The following KANSL1L variants were observed in gnomAD, a reference collection of about 807,000 sequenced individuals.
KANSL1L encodes KAT8 regulatory NSL complex subunit 1 like, also known as KAT8 regulatory NSL complex subunit 1-like protein.
KANSL1L carries 25 observed loss-of-function variants against 108.6 expected under a neutral mutation model. The observed-to-expected ratio is 0.23, with a 90% confidence interval of 0.17 to 0.32. KANSL1L has a LOEUF of 0.32. Among genes scored for constraint, KANSL1L ranks in the 10% least tolerant of loss-of-function variants. The pLI, the probability that KANSL1L is intolerant of heterozygous loss-of-function variation, is 1.00. For missense variants in KANSL1L, 1,137 were observed against 1,125.7 expected (o/e 1.01, Z -0.14); for synonymous variants, 405 against 395.1 (o/e 1.03, Z -0.30).
At chr2:210,159,612 AAGGCATTTC>A (rs2095350943) in intron 1 of KANSL1L, among the ~76,000 whole-genome samples, 1 of 152,236 alleles carries the variant, frequency 6.6e-6, no homozygotes, top group African/African-American at 2.4e-5. Flanking sequence ...ATGATATTTA[AAGGCATTTC>A]AGGATTTTGG....
At chr2:210,090,880 C>T (rs1299728880) in intron 5 of KANSL1L, among the ~76,000 whole-genome samples, 2 of 152,192 alleles carry the variant, frequency 1.3e-5, no homozygotes, top group East Asian at 3.8e-4. Context: ...AAACATTCTG[C>T]AACTTCCTAT....
rs190740218 is a variant in KANSL1L, at chr2:210,052,465, G to A, written c.1756-8361C>T. On this transcript the variant is annotated intron_variant, in intron 6 of 14. Transcript: ENST00000281772. ...CTTGCTGATGGCTTTTCCTTAATAT[G>A]TTTAATGACTCAGAAATACTGGAAA... Among the ~76,000 whole-genome samples the A allele has an allele frequency of 3.3e-5, 5 of 152,170 alleles. No homozygotes were observed. In the East Asian group the frequency reaches 7.7e-4, roughly 24 times the overall value.
intron 6 of KANSL1L, among the ~76,000 whole-genome samples, chr2:210,045,869 TTC>T (rs2094217722): frequency 6.6e-6 from 1 of 152,232 alleles, no homozygotes; most frequent in Non-Finnish European, 1.5e-5. Flanking sequence ...TTTTAATATT[TTC>T]TCTGTGTCTT....
At chr2:210,085,100 A>C (rs1171805196) in intron 5 of KANSL1L, among the ~76,000 whole-genome samples, 1 of 152,204 alleles carries the variant, frequency 6.6e-6, no homozygotes, top group African/African-American at 2.4e-5. Context: ...CAAGACTAAC[A>C]AATTATGGTT....
At chr2:210,105,907 T>A (rs2094842651) in intron 3 of KANSL1L, among the ~76,000 whole-genome samples, 1 of 152,068 alleles carries the variant, frequency 6.6e-6, no homozygotes, top group South Asian at 2.1e-4. Context: ...TTTAAAAAAA[T>A]AAATTAGATA....
intron 3 of KANSL1L, among the ~76,000 whole-genome samples, chr2:210,124,147 AC>A (rs1358884132): frequency 6.6e-6 from 1 of 152,154 alleles, no homozygotes; most frequent in Non-Finnish European, 1.5e-5. Context: ...TACACAATAA[AC>A]CAACTAGATT....
At chr2:210,059,122 A>G (rs1311823826) in intron 6 of KANSL1L, among the ~76,000 whole-genome samples, 5 of 145,410 alleles carry the variant, frequency 3.4e-5, no homozygotes, top group African/African-American at 1.3e-4. Context: ...TGGGTGACAG[A>G]GCGAGACTCC....
intron 2 of KANSL1L, among the ~76,000 whole-genome samples, chr2:210,139,704 GA>G (rs2095210272): frequency 1.3e-5 from 2 of 150,564 alleles, no homozygotes; most frequent in African/African-American, 4.9e-5. Flanking sequence ...ATCTTCTTTG[GA>G]AAAAGAAATT....
At chr2:210,151,101 C>T (rs1438015674) in intron 2 of KANSL1L, among the ~76,000 whole-genome samples, 1 of 152,092 alleles carries the variant, frequency 6.6e-6, no homozygotes, top group African/African-American at 2.4e-5. Flanking sequence ...CTGCAACCTC[C>T]ACCTCCTGGG....
chr2:210,025,115 T>C lies in KANSL1L; in HGVS notation c.2553A>G (p.Arg851=). 1.2e-6 allele frequency: 2 copies of C among 1,606,708 alleles called. No homozygotes were observed. The highest frequency in any genetic ancestry group is 1.7e-6 in the Non-Finnish European group (2 of 1,173,174). ...WSLWEQSKWH[R]RNSRAYSKNV... is the part of the protein sequence containing the mutation. ...AATTTGTAACCTGCCTGCTGTTTCT[T>C]CTGTGCCACTTGCTTTGCTCCCATA... is the stretch of plus-strand genomic sequence containing the variant. The change falls in exon 13 of 15, where the codon AGA becomes AGG. Residue 851 remains arginine, a synonymous_variant. Transcript: ENST00000281772.
At chr2:210,104,046 G>C in intron 4 of KANSL1L, 58 bp downstream of exon 4, 1 of 1,340,798 alleles carries the variant, frequency 7.5e-7, no homozygotes, top group Non-Finnish European at 1.1e-6. Flanking sequence ...TATTTGAATA[G>C]TTTACAAAAT....
chr2:210,141,252 T>G (rs1173715354), intron 2 of KANSL1L, among the ~76,000 whole-genome samples: 6 of 151,990 alleles, frequency 3.9e-5, no homozygotes, highest in South Asian at 4.2e-4. Flanking sequence ...TTATGCCTAA[T>G]GAACCTGGCT....
At chr2:210,171,936 A>G (rs1404340381), upstream of KANSL1L, 1 of 151,724 alleles carries the variant, frequency 6.6e-6, no homozygotes, top group African/African-American at 2.4e-5. Context: ...TCTGACCCTC[A>G]GAGGGGCCCT....
rs149665054 is a variant in KANSL1L, at chr2:210,048,193, G to C, written c.1756-4089C>G. 3.0e-3 allele frequency among the ~76,000 whole-genome samples: 463 copies of C among 152,204 alleles called. 4 individuals are homozygous for C. The highest frequency in any genetic ancestry group is 5.1e-3 in the Non-Finnish European group (345 of 68,000). Reference sequence around the variant, plus strand: ...CATGCCTCCTAAAACATCACCAAAAGCATCCCCATAACTATCATTACTGGC... The same window carrying C: ...CATGCCTCCTAAAACATCACCAAAACCATCCCCATAACTATCATTACTGGC... On this transcript the variant is annotated intron_variant, in intron 6 of 14. Coordinates refer to ENST00000281772, the MANE Select transcript of KANSL1L (RefSeq NM_152519.4).
chr2:210,172,552 G>C (rs1008120132), upstream of KANSL1L, among the ~76,000 whole-genome samples: 3 of 152,162 alleles, frequency 2.0e-5, no homozygotes, highest in Admixed American at 2.0e-4. Flanking sequence ...ATTTATTGGA[G>C]CTATATTTTT....
Position 210,125,108 on chromosome 2 carries a change from G to T in KANSL1L, c.1230+3923C>A, listed in dbSNP as rs541607346. ...GTCTCTACTAAAAATACAAAAATTAGCTGGATGTGGTGGCGGGTGCCTGTA... is the reference window on the plus strand; with the variant it reads ...GTCTCTACTAAAAATACAAAAATTATCTGGATGTGGTGGCGGGTGCCTGTA... On this transcript the variant is annotated intron_variant, in intron 3 of 14. Transcript: ENST00000281772. Among the ~76,000 whole-genome samples the T allele has an allele frequency of 1.2e-3, 183 of 152,136 alleles. 1 individual carries two copies. Among genetic ancestry groups the T allele is most frequent in the African/African-American group, 4.2e-3 (175 of 41,524 alleles).
chr2:210,134,617 A>G (rs898753535), intron 2 of KANSL1L, among the ~76,000 whole-genome samples: 2 of 152,112 alleles, frequency 1.3e-5, no homozygotes, highest in Non-Finnish European at 2.9e-5. Context: ...GCATGTGTAG[A>G]GTAGCCACTA....
intron 5 of KANSL1L, among the ~76,000 whole-genome samples, chr2:210,078,877 TAATA>T (rs1225850699): frequency 6.6e-6 from 1 of 152,188 alleles, no homozygotes; most frequent in African/African-American, 2.4e-5. Flanking sequence ...AGGATATCAT[TAATA>T]AATCAATATA....
rs758922683 is a variant in KANSL1L, at chr2:210,024,157, T to G, written c.2609A>C (p.Glu870Ala). The G allele has an allele frequency of 2.5e-6, 4 of 1,607,766 alleles. No homozygotes were observed. The highest frequency in any genetic ancestry group is 8.5e-7 in the Non-Finnish European group (1 of 1,177,040). Residue 870 changes from glutamate (E) to alanine (A), a missense_variant, in exon 14 of 15, where the codon GAA becomes GCA. Physicochemically the swap from Glu to Ala is moderately radical, Grantham distance 107. Transcript: ENST00000281772. ...ACTGCTACTGAAGTTATTAGGGTAT[T>G]CTTTCAAAAGCAAGTCCTGTCCTTC... ...NVEGQDLLLK[E>A]YPNNFSSSQQ...
Sources: allele counts gnomAD v4.1 joint callset (sites outside exome capture counted in the v4.1 genomes callset), GRCh38; gene constraint gnomAD v4.1.1; transcripts MANE v1.5; gene names NCBI Gene and HGNC (gene_info 2026-07-23, HGNC 2026-07-21).